The following FCF1 variants were observed in gnomAD, a reference collection of about 807,000 sequenced individuals.
FCF1 encodes FCF1 rRNA-processing protein.
A neutral mutation model predicts 32.5 loss-of-function variants in FCF1; 17 were observed. That is an observed-to-expected ratio of 0.52 (90% CI 0.36 to 0.78). The LOEUF is 0.78. FCF1 is among the 30% of genes least tolerant of loss of function. The pLI, the probability that FCF1 is intolerant of heterozygous loss-of-function variation, is 0.00. For synonymous variants in FCF1, 84 were observed against 78.4 expected (o/e 1.07, Z -0.38); for missense variants, 201 against 241.1 (o/e 0.83, Z 1.10).
chr14:74,723,846 G>GAA (rs2090540659), intron 5 of FCF1, among the ~76,000 whole-genome samples: 1 of 147,672 alleles, frequency 6.8e-6, no homozygotes, highest in Non-Finnish European at 1.5e-5. Flanking sequence ...AAAAAAAAGA[G>GAA]AAAATACAGA....
chr14:74,718,823 C>G (rs61978902), intron 4 of FCF1, among the ~76,000 whole-genome samples: 1 of 151,766 alleles, frequency 6.6e-6, no homozygotes, highest in Non-Finnish European at 1.5e-5. Context: ...GAAGTTGAAG[C>G]CTGGGCAACA....
Position 74,738,040 on chromosome 14 carries a change from T to A in FCF1, c.*3110T>A, listed in dbSNP as rs1391997708. 5 of 151,042 alleles carry A rather than the reference T, an allele frequency of 3.3e-5. No individual in the cohort carries two copies. The highest frequency in any genetic ancestry group is 9.7e-5 in the African/African-American group (4 of 41,290). 9.4% of individuals were successfully genotyped at this position (151,042 alleles called of 1,614,324 possible). ...GAGAGAAAAAAATTAGTTTCCTACTTCACATGATTCATAAAAATATTTCAA... is the reference window on the plus strand; with the variant it reads ...GAGAGAAAAAAATTAGTTTCCTACTACACATGATTCATAAAAATATTTCAA... On this transcript the variant is annotated 3_prime_UTR_variant, in exon 8 of 8. Transcript: ENST00000341162.
At chr14:74,726,605 T>C (rs932656774) in intron 5 of FCF1, among the ~76,000 whole-genome samples, 9 of 85,432 alleles carry the variant, frequency 1.1e-4, no homozygotes, top group Non-Finnish European at 1.5e-4. Flanking sequence ...CCCCATCTCT[T>C]TTTTTTTTTT....
At position 74,716,112 on chromosome 14, in the gene FCF1, C is replaced by T. The variant is rs1358595390; in HGVS notation, c.292+13C>T. 1 of 1,610,068 alleles carries T rather than the reference C, an allele frequency of 6.2e-7. No individual in the cohort carries two copies. Among genetic ancestry groups the T allele is most frequent in the Admixed American group, 1.7e-5 (1 of 59,900 alleles). On this transcript the variant is annotated intron_variant, in intron 4 of 7. Transcript: ENST00000341162. Reference sequence around the variant, plus strand: ...CTGTATGCCAAGTGTGAGTATCATACTTTTATGTTTCCGTGACATTTGTTC... The same window carrying T: ...CTGTATGCCAAGTGTGAGTATCATATTTTTATGTTTCCGTGACATTTGTTC...
chr14:74,721,192 G>A (rs2140025735), intron 4 of FCF1, among the ~76,000 whole-genome samples: 1 of 151,986 alleles, frequency 6.6e-6, no homozygotes, highest in South Asian at 2.1e-4. Flanking sequence ...CTACAGGCAT[G>A]TGCCACCACG....
chr14:74,736,470 T>C lies in FCF1; in HGVS notation c.*1540T>C, dbSNP rs2090709303. ...TAAAATCTCAGACAGGAAGAATATG[T>C]TTTATGCTTTTTTTGAGTTCTGTTG... On this transcript the variant is annotated 3_prime_UTR_variant, in exon 8 of 8. Transcript: ENST00000341162. 6.6e-6 allele frequency: 1 copy of C among 151,922 alleles called. No individual in the cohort carries two copies. Among genetic ancestry groups the C allele is most frequent in the Non-Finnish European group, 1.5e-5 (1 of 67,980 alleles). The allele number at this position is 151,922 out of a possible 1,614,324, so 9.4% of individuals were successfully genotyped here.
intron 3 of FCF1, 147 bp downstream of exon 3, chr14:74,715,090 T>G: frequency 2.6e-6 from 2 of 771,724 alleles, no homozygotes; most frequent in Non-Finnish European, 3.9e-6. Flanking sequence ...CATATATCAA[T>G]TCTAGTGGTT....
intron 7 of FCF1, among the ~76,000 whole-genome samples, chr14:74,734,463 C>T (rs1264735118): frequency 1.3e-5 from 2 of 151,176 alleles, no homozygotes; most frequent in Admixed American, 6.6e-5. Context: ...CCAGAAATAC[C>T]TGTTTTGAAA....
rs367728211 is a variant in FCF1 at position 74,714,954 on chromosome 14, A to C, written c.143+11A>C. 81 of 1,581,340 alleles carry C rather than the reference A, an allele frequency of 5.1e-5. 1 individual carries two copies. In the East Asian group the frequency reaches 9.0e-4, roughly 18 times the overall value. On this transcript the variant is annotated intron_variant, in intron 3 of 7. Transcript: ENST00000341162. ...AAAGGAAAGAGAAGTGTGAGTAATC[A>C]AACGTTTGAAGTTTTCCTTTAAAAC...
chr14:74,724,320 G>A (rs539731157), intron 5 of FCF1, among the ~76,000 whole-genome samples: 1 of 152,162 alleles, frequency 6.6e-6, no homozygotes, highest in Non-Finnish European at 1.5e-5. Flanking sequence ...GTGTTGCTCT[G>A]TCACCCAGGC....
intron 2 of FCF1, 38 bp downstream of exon 2, chr14:74,713,590 TAAG>T: frequency 6.4e-7 from 1 of 1,554,598 alleles, no homozygotes; most frequent in Non-Finnish European, 8.8e-7. Context: ...GATATTCTAA[TAAG>T]AGTCTAGAGA....
chr14:74,728,073 A>G (rs1183605140), intron 5 of FCF1, among the ~76,000 whole-genome samples: 3 of 152,044 alleles, frequency 2.0e-5, no homozygotes, highest in Non-Finnish European at 4.4e-5. Flanking sequence ...CTTAGGATTG[A>G]CTTGGCGATG....
At chr14:74,721,782 A>G (rs1022582773) in intron 4 of FCF1, among the ~76,000 whole-genome samples, 2 of 152,180 alleles carry the variant, frequency 1.3e-5, no homozygotes, top group African/African-American at 4.8e-5. Flanking sequence ...GTTTAAATAC[A>G]TAATTTTTTA....
chr14:74,713,355 T>C, intron 1 of FCF1, 130 bp from the exon 2 acceptor site: 8 of 1,562,142 alleles, frequency 5.1e-6, no homozygotes, highest in Non-Finnish European at 7.0e-6. Context: ...ACTGTTATGC[T>C]TTACAGAGTG....
At chr14:74,713,327 A>C (rs987014947) in intron 1 of FCF1, 127 bp downstream of exon 1, 2 of 1,596,180 alleles carry the variant, frequency 1.3e-6, no homozygotes, top group African/African-American at 2.7e-5. Context: ...CTTAGCTCTT[A>C]AACTTCTCCA....
In FCF1 at chr14:74,715,312, C is replaced by T. The variant is rs2090403972; in HGVS notation, c.143+369C>T. On this transcript the variant is annotated intron_variant, in intron 3 of 7. Coordinates refer to ENST00000341162, the MANE Select transcript of FCF1 (RefSeq NM_015962.5). ...AAAGATATTTATATAAAGATATGAC[C>T]TTTATATAAAGATATAAAGGTATTT... 2.0e-5 allele frequency among the ~76,000 whole-genome samples: 3 copies of T among 151,842 alleles called. No individual in the cohort carries two copies. The South Asian group carries it at 6.2e-4, about 32-fold the overall frequency.
intron 4 of FCF1, among the ~76,000 whole-genome samples, chr14:74,721,886 A>G (rs61978903): frequency 1.4e-3 from 219 of 152,170 alleles, no homozygotes; most frequent in Middle Eastern, 0.01. Context: ...TCTCCCTAAG[A>G]GTGTATTTCT....
At chr14:74,716,960 C>G (rs911090689) in intron 4 of FCF1, among the ~76,000 whole-genome samples, 2 of 152,062 alleles carry the variant, frequency 1.3e-5, no homozygotes, top group African/African-American at 4.8e-5. Context: ...TTAAAATGAG[C>G]AAGATGAGAA....
chr14:74,733,346 C>T (rs1219819223), intron 6 of FCF1, among the ~76,000 whole-genome samples: 1 of 146,970 alleles, frequency 6.8e-6, no homozygotes, highest in Non-Finnish European at 1.5e-5. Context: ...TTATAAGGGC[C>T]TCTCTGCTGA....
Sources: allele counts gnomAD v4.1 joint callset (sites outside exome capture counted in the v4.1 genomes callset), GRCh38; gene constraint gnomAD v4.1.1; transcripts MANE v1.5; gene names NCBI Gene and HGNC (gene_info 2026-07-23, HGNC 2026-07-21).